Variants in KANK4 observed in about 807,000 individuals in gnomAD.
The protein encoded by KANK4 is KN motif and ankyrin repeat domains 4.
In KANK4, 50 loss-of-function variants were observed where a neutral mutation model predicts 80.8. The ratio of observed to expected loss-of-function variants is 0.62; its 90% confidence interval spans 0.49 to 0.78. The LOEUF is 0.78. Ranked by LOEUF, KANK4 falls within the 30% of genes least tolerant of loss-of-function variation. The pLI, the probability that KANK4 is intolerant of heterozygous loss-of-function variation, is 0.00. For missense variants in KANK4, 1,196 were observed against 1,240.1 expected (o/e 0.96, Z 0.53); for synonymous variants, 465 against 506.9 (o/e 0.92, Z 1.11).
chr1:62,281,675 C>T (rs149988946), intron 1 of KANK4, 41 bp from the exon 2 acceptor site: 17 of 1,229,612 alleles, frequency 1.4e-5, no homozygotes, highest in Non-Finnish European at 1.7e-5. Context: ...GTCTCATTAG[C>T]GTTTGAATAA....
chr1:62,268,983 TC>T (rs1401386519), intron 4 of KANK4, among the ~76,000 whole-genome samples: 5 of 152,186 alleles, frequency 3.3e-5, no homozygotes, highest in African/African-American at 1.2e-4. Flanking sequence ...GACCGAGACC[TC>T]CCTTCAGACT....
chr1:62,262,117 G>C (rs138618997), intron 7 of KANK4, among the ~76,000 whole-genome samples: 152 of 152,270 alleles, frequency 1.0e-3, no homozygotes, highest in Middle Eastern at 3.4e-3. Flanking sequence ...TGGTCAAATG[G>C]AGCCATGACC....
chr1:62,258,626 T>C (rs1250463992), intron 7 of KANK4, among the ~76,000 whole-genome samples: 1 of 152,198 alleles, frequency 6.6e-6, no homozygotes, highest in East Asian at 1.9e-4. Flanking sequence ...CATCGCTCAT[T>C]CATTTAACAG....
intron 1 of KANK4, among the ~76,000 whole-genome samples, chr1:62,310,195 A>C (rs970110444): frequency 1.3e-5 from 2 of 152,222 alleles, no homozygotes; most frequent in Non-Finnish European, 2.9e-5. Context: ...CACTCAGCTC[A>C]GTCATTCAAT....
intron 8 of KANK4, among the ~76,000 whole-genome samples, chr1:62,251,081 G>A (rs1263746135): frequency 6.6e-6 from 1 of 152,172 alleles, no homozygotes; most frequent in Non-Finnish European, 1.5e-5. Flanking sequence ...AACAGCCTTG[G>A]AAGCTGGAGA....
intron 1 of KANK4, among the ~76,000 whole-genome samples, chr1:62,306,413 A>T (rs112155724): frequency 1.5e-4 from 23 of 152,342 alleles, no homozygotes; most frequent in African/African-American, 5.5e-4. Context: ...AATTTTCTAT[A>T]CAAATATATC....
intron 9 of KANK4, among the ~76,000 whole-genome samples, chr1:62,240,711 G>A (rs1396071151): frequency 6.6e-6 from 1 of 152,030 alleles, no homozygotes; most frequent in African/African-American, 2.4e-5. Context: ...AAAGAAGTGG[G>A]CTCACAGCAT....
chr1:62,238,974 T>C (rs1671275544), intron 9 of KANK4, among the ~76,000 whole-genome samples: 1 of 152,148 alleles, frequency 6.6e-6, no homozygotes, highest in Admixed American at 6.6e-5. Flanking sequence ...ATAAAATAAC[T>C]CTTGCTGTTC....
chr1:62,315,369 G>A (rs1644530459), intron 1 of KANK4, among the ~76,000 whole-genome samples: 1 of 152,060 alleles, frequency 6.6e-6, no homozygotes, highest in African/African-American at 2.4e-5. Context: ...CATGACCCTG[G>A]GCAAGTCACT....
intron 1 of KANK4, among the ~76,000 whole-genome samples, chr1:62,282,548 G>C (rs1300127331): frequency 1.3e-5 from 2 of 152,146 alleles, no homozygotes; most frequent in African/African-American, 4.8e-5. Context: ...GAGAAACTGA[G>C]AGTGAAAGAA....
chr1:62,306,785 T>C (rs1644455237), intron 1 of KANK4, among the ~76,000 whole-genome samples: 1 of 152,172 alleles, frequency 6.6e-6, no homozygotes, highest in Non-Finnish European at 1.5e-5. Context: ...ACATACACAT[T>C]ATTTAGAGGA....
At chr1:62,277,752 A>G (rs1405167624) in intron 2 of KANK4, among the ~76,000 whole-genome samples, 1 of 152,214 alleles carries the variant, frequency 6.6e-6, no homozygotes, top group Non-Finnish European at 1.5e-5. Context: ...ATGCATGAGT[A>G]AAAAAGTCTT....
At position 62,273,206 on chromosome 1, in the gene KANK4, A is replaced by G. The variant is rs780826886; in HGVS notation, c.1898T>C (p.Val633Ala). 3 of 1,510,724 alleles carry G rather than the reference A, an allele frequency of 2.0e-6. No homozygotes were observed. In the Admixed American group the frequency reaches 6.8e-5, roughly 34 times the overall value. 93.6% of individuals were successfully genotyped at this position (1,510,724 alleles called of 1,614,324 possible). Reference sequence around the variant, plus strand: ...GCCCCTATATTGATGGTATTTACCCACTGGCGGGGAGGAGGAGGAGGCCGG... The same window carrying G: ...GCCCCTATATTGATGGTATTTACCCGCTGGCGGGGAGGAGGAGGAGGCCGG... ...EPPASSSSPP[V>A]EISPSTSLKS... Residue 633 changes from valine (V) to alanine (A), a missense_variant and splice_region_variant, in exon 3 of 10, where the codon GTG becomes GCG. Coordinates refer to ENST00000371153, the MANE Select transcript of KANK4 (RefSeq NM_181712.5).
At chr1:62,249,265 A>G (rs1446105112) in intron 8 of KANK4, among the ~76,000 whole-genome samples, 2 of 152,058 alleles carry the variant, frequency 1.3e-5, no homozygotes, top group Non-Finnish European at 2.9e-5. Context: ...GATGTACAGT[A>G]ATAATTTTTC....
At chr1:62,294,838 A>G (rs1319467510) in intron 1 of KANK4, among the ~76,000 whole-genome samples, 1 of 152,250 alleles carries the variant, frequency 6.6e-6, no homozygotes, top group Non-Finnish European at 1.5e-5. Context: ...TCAGAGATGA[A>G]TCAAAGAGAC....
intron 1 of KANK4, among the ~76,000 whole-genome samples, chr1:62,284,042 T>G (rs944202710): frequency 6.6e-6 from 1 of 152,066 alleles, no homozygotes; most frequent in Non-Finnish European, 1.5e-5. Context: ...AACTTTTTAC[T>G]CTAAAGGGCT....
intron 1 of KANK4, among the ~76,000 whole-genome samples, chr1:62,287,541 T>G (rs751670745): frequency 7.9e-5 from 12 of 152,210 alleles, no homozygotes; most frequent in Non-Finnish European, 1.8e-4. Flanking sequence ...CAAAGCACTT[T>G]CCGTCCTGTG....
chr1:62,299,234 A>T (rs1031147101), intron 1 of KANK4, among the ~76,000 whole-genome samples: 5 of 151,984 alleles, frequency 3.3e-5, no homozygotes, highest in African/African-American at 4.8e-5. Context: ...ATTTTTAAAA[A>T]ATTTTTTGTA....
Position 62,274,417 on chromosome 1 carries a change from C to G in KANK4, c.687G>C (p.Gln229His). 1 of 1,614,226 alleles carries G rather than the reference C, an allele frequency of 6.2e-7. No individual in the cohort carries two copies. ...RASTRIPELV[Q>H]EGAEPPEGVV... ...CACCCTCTGGAGGCTCAGCTCCCTC[C>G]TGGACCAGCTCTGGAATCCGAGTTG... Residue 229 changes from glutamine to histidine, a missense_variant, in exon 3 of 10, where the codon CAG becomes CAC. By Grantham distance (24) the Gln-to-His change is conservative. Coordinates refer to ENST00000371153, the MANE Select transcript of KANK4 (RefSeq NM_181712.5).
Sources: gnomAD v4.1 joint callset for allele counts (sites outside exome capture counted in the v4.1 genomes callset) on GRCh38, gnomAD v4.1.1 for gene constraint, MANE v1.5 for transcripts, NCBI Gene and HGNC (gene_info 2026-07-23, HGNC 2026-07-21) for gene names.